INPP4B: variants seen among roughly 807,000 people sequenced by gnomAD.
INPP4B encodes inositol polyphosphate-4-phosphatase type II B.
Under a neutral mutation model 122.5 loss-of-function variants are expected in INPP4B, and 55 were observed. That is an observed-to-expected ratio of 0.45 (90% CI 0.36 to 0.56). INPP4B has a LOEUF of 0.56. Among genes scored for constraint, INPP4B ranks in the 20% least tolerant of loss-of-function variants. The pLI, the probability that INPP4B is intolerant of heterozygous loss-of-function variation, is 0.00. For missense variants in INPP4B, 1,000 were observed against 1,097.7 expected (o/e 0.91, Z 1.26); for synonymous variants, 403 against 388.7 (o/e 1.04, Z -0.43).
At chr4:142,779,604 T>A (rs34412123) in intron 1 of INPP4B, among the ~76,000 whole-genome samples, 4,412 of 152,152 alleles carry the variant, frequency 0.029, 73 homozygotes, top group South Asian at 0.05. Flanking sequence ...TGGCATCCCT[T>A]CCCTCTTGTC....
At chr4:142,708,788 G>T (rs1337234215) in intron 2 of INPP4B, among the ~76,000 whole-genome samples, 1 of 152,158 alleles carries the variant, frequency 6.6e-6, no homozygotes, top group African/African-American at 2.4e-5. Context: ...GGCGTGAGAG[G>T]CCCCACACAG....
intron 2 of INPP4B, among the ~76,000 whole-genome samples, chr4:142,707,411 T>A (rs958508404): frequency 1.2e-4 from 19 of 152,234 alleles, no homozygotes; most frequent in African/African-American, 4.6e-4. Context: ...TGGTTTGGAT[T>A]TGTGTCCCAC....
chr4:142,718,768 G>C (rs1012613471), intron 2 of INPP4B, among the ~76,000 whole-genome samples: 3 of 152,082 alleles, frequency 2.0e-5, no homozygotes, highest in Non-Finnish European at 2.9e-5. Context: ...TCAAAGTCTT[G>C]GGGAAAATCC....
intron 1 of INPP4B, among the ~76,000 whole-genome samples, chr4:142,835,099 C>A (rs181258671): frequency 6.6e-6 from 1 of 152,314 alleles, no homozygotes; most frequent in East Asian, 1.9e-4. Context: ...TATGGTCCTT[C>A]CACATTCCCA....
chr4:142,093,000 C>T (rs1322283051), intron 23 of INPP4B, among the ~76,000 whole-genome samples: 2 of 152,058 alleles, frequency 1.3e-5, no homozygotes, highest in East Asian at 1.9e-4. Flanking sequence ...TGAAGTATGA[C>T]AGAAGTAATG....
chr4:142,331,591 A>G (rs914354934), intron 7 of INPP4B, among the ~76,000 whole-genome samples: 2 of 152,218 alleles, frequency 1.3e-5, no homozygotes, highest in Non-Finnish European at 1.5e-5. Flanking sequence ...CTTCAGCTTA[A>G]TAGAATTTAC....
chr4:142,080,111 T>C (rs941801589), intron 25 of INPP4B, among the ~76,000 whole-genome samples: 2 of 152,028 alleles, frequency 1.3e-5, no homozygotes, highest in Non-Finnish European at 2.9e-5. Context: ...ATGAGGAAAC[T>C]GAGAGGTACA....
At chr4:142,202,415 C>A (rs1459271265) in intron 14 of INPP4B, among the ~76,000 whole-genome samples, 1 of 151,926 alleles carries the variant, frequency 6.6e-6, no homozygotes, top group Admixed American at 6.6e-5. Flanking sequence ...ATTGCAAAAG[C>A]CTTTAGGGAT....
At chr4:142,799,915 T>C (rs747532191) in intron 1 of INPP4B, among the ~76,000 whole-genome samples, 1 of 151,832 alleles carries the variant, frequency 6.6e-6, no homozygotes, top group Non-Finnish European at 1.5e-5. Flanking sequence ...ATTCAGATTA[T>C]AAATAATGAT....
At chr4:142,067,287 A>C (rs1166849258) in intron 25 of INPP4B, among the ~76,000 whole-genome samples, 1 of 152,234 alleles carries the variant, frequency 6.6e-6, no homozygotes, top group Non-Finnish European at 1.5e-5. Flanking sequence ...AAAACTAACA[A>C]ACAGAAAGCA....
intron 11 of INPP4B, among the ~76,000 whole-genome samples, chr4:142,238,826 C>T (rs529284562): frequency 1.8e-4 from 27 of 152,224 alleles, no homozygotes; most frequent in African/African-American, 5.8e-4. Context: ...ACCACACTTT[C>T]AAGTCATCAG....
chr4:142,242,853 T>C (rs1019546006), intron 11 of INPP4B, among the ~76,000 whole-genome samples: 2 of 152,206 alleles, frequency 1.3e-5, no homozygotes, highest in Non-Finnish European at 2.9e-5. Flanking sequence ...GTGGTCCATG[T>C]CTCCCATGGG....
intron 1 of INPP4B, among the ~76,000 whole-genome samples, chr4:142,830,708 G>T (rs1198722578): frequency 1.3e-5 from 2 of 151,998 alleles, no homozygotes; most frequent in African/African-American, 4.8e-5. Flanking sequence ...GCAGAAAGAA[G>T]AGAATGGCAA....
At chr4:142,837,313 ACTT>A (rs1272947323) in intron 1 of INPP4B, among the ~76,000 whole-genome samples, 2 of 152,136 alleles carry the variant, frequency 1.3e-5, no homozygotes, top group Non-Finnish European at 2.9e-5. Flanking sequence ...AGAATATAGT[ACTT>A]TTTTTATTTG....
chr4:142,826,215 A>T (rs1375276001), intron 1 of INPP4B, among the ~76,000 whole-genome samples: 9 of 152,106 alleles, frequency 5.9e-5, no homozygotes, highest in African/African-American at 2.2e-4. Flanking sequence ...TTTTCCCCAG[A>T]ATTCAGCTGG....
intron 2 of INPP4B, among the ~76,000 whole-genome samples, chr4:142,564,084 C>G (rs1440149685): frequency 6.6e-6 from 1 of 152,188 alleles, no homozygotes; most frequent in East Asian, 1.9e-4. Flanking sequence ...TAGATAGAAT[C>G]CATATAGAAA....
chr4:142,652,811 C>T (rs1175070475), intron 2 of INPP4B, among the ~76,000 whole-genome samples: 3 of 152,120 alleles, frequency 2.0e-5, no homozygotes, highest in South Asian at 2.1e-4. Flanking sequence ...AGATTCAGTG[C>T]CATCCCCATC....
chr4:142,220,638 C>T (rs953369423), intron 12 of INPP4B, among the ~76,000 whole-genome samples: 1 of 152,112 alleles, frequency 6.6e-6, no homozygotes, highest in Non-Finnish European at 1.5e-5. Flanking sequence ...GGCAGTTTAG[C>T]TTTGGAGCCT....
chr4:142,464,159 C>T (rs926470610), intron 2 of INPP4B, among the ~76,000 whole-genome samples: 2 of 152,176 alleles, frequency 1.3e-5, no homozygotes, highest in East Asian at 1.9e-4. Flanking sequence ...ATATATCATG[C>T]TATTTATAAA....
Sources: gnomAD v4.1 joint callset for allele counts (sites outside exome capture counted in the v4.1 genomes callset) on GRCh38, gnomAD v4.1.1 for gene constraint, MANE v1.5 for transcripts, NCBI Gene and HGNC (gene_info 2026-07-23, HGNC 2026-07-21) for gene names.